MCTP2: variants seen among roughly 807,000 people sequenced by gnomAD.
MCTP2 encodes the protein multiple C2 and transmembrane domain-containing protein 2.
Under a neutral mutation model 111.6 loss-of-function variants are expected in MCTP2, and 132 were observed. That is an observed-to-expected ratio of 1.18 (90% CI 1.03 to 1.37). The LOEUF is 1.37. MCTP2 is among the 40% of genes most tolerant of loss of function. The pLI is 0.00. For synonymous variants in MCTP2, 395 were observed against 387.7 expected, an observed-to-expected ratio of 1.02 and a Z score of -0.22; for missense variants, 1,183 against 1,067.9, an observed-to-expected ratio of 1.11 and a Z score of -1.50.
At chr15:94,303,062 A>ATATATATATATATATATAGTT (rs1555448626) in intron 2 of MCTP2, among the ~76,000 whole-genome samples, 2 of 21,452 alleles carry the variant, frequency 9.3e-5, no homozygotes, top group Non-Finnish European at 3.2e-4. Flanking sequence ...AACTAATGGA[A>ATATATATATATATATATAGTT]TATATATATA....
At chr15:94,357,559 G>T (rs74030818) in intron 9 of MCTP2, among the ~76,000 whole-genome samples, 14,841 of 110,668 alleles carry the variant, frequency 0.13, 1,093 homozygotes, top group African/African-American at 0.28. Flanking sequence ...TTTTTTTTTT[G>T]TTTTTGTTTT....
chr15:94,362,173 G>A (rs577111194), intron 10 of MCTP2, among the ~76,000 whole-genome samples: 4 of 152,226 alleles, frequency 2.6e-5, no homozygotes, highest in South Asian at 4.2e-4. Context: ...TCTGATCTTA[G>A]ATAGAAACAG....
Position 94,345,184 on chromosome 15 carries a change from C to A in MCTP2, c.1005+20C>A. On this transcript the variant is annotated intron_variant, in intron 8 of 22. Coordinates refer to ENST00000357742, the MANE Select transcript of MCTP2 (RefSeq NM_001385001.1). ...AGCAAGGTAAATATACTTTTTTTTC[C>A]TTTAGATCATTTGGTTAAAAACTTT... is the stretch of plus-strand genomic sequence containing the variant. 6.2e-7 allele frequency: 1 copy of A among 1,605,534 alleles called. No homozygotes were observed. Among genetic ancestry groups the A allele is most frequent in the South Asian group, 1.1e-5 (1 of 90,088 alleles).
chr15:94,463,625 A>AACCAC (rs2085346065), intron 20 of MCTP2, among the ~76,000 whole-genome samples: 2 of 152,148 alleles, frequency 1.3e-5, no homozygotes, highest in African/African-American at 4.8e-5. Context: ...GTGGTTTAGA[A>AACCAC]TTGGTATTTT....
intron 19 of MCTP2, among the ~76,000 whole-genome samples, chr15:94,455,580 C>A (rs1051050144): frequency 1.3e-4 from 20 of 152,144 alleles, no homozygotes; most frequent in Non-Finnish European, 2.5e-4. Flanking sequence ...CACGCGCCAC[C>A]ATGCCCAGCT....
At chr15:94,454,231 A>G (rs1410669652) in intron 19 of MCTP2, among the ~76,000 whole-genome samples, 1 of 152,242 alleles carries the variant, frequency 6.6e-6, no homozygotes, top group Admixed American at 6.5e-5. Context: ...TAACTTTATA[A>G]TGATAATATG....
intron 1 of MCTP2, among the ~76,000 whole-genome samples, chr15:94,295,329 G>C (rs1024043969): frequency 2.0e-5 from 3 of 151,984 alleles, no homozygotes; most frequent in Non-Finnish European, 4.4e-5. Flanking sequence ...AAATTCTATA[G>C]AGCCAGGAAT....
intron 22 of MCTP2, 33 bp downstream of exon 22, chr15:94,476,826 C>T: frequency 7.8e-7 from 1 of 1,280,634 alleles, no homozygotes; most frequent in Non-Finnish European, 1.1e-6. Flanking sequence ...CAACAGTGGC[C>T]CCAACCTGAA....
At chr15:94,259,140 C>T (rs753996640) in intron 1 of MCTP2, among the ~76,000 whole-genome samples, 6 of 152,194 alleles carry the variant, frequency 3.9e-5, no homozygotes, top group African/African-American at 7.2e-5. Flanking sequence ...CCCTTCACCC[C>T]ACCCAGCCTA....
At chr15:94,379,765 TATG>T (rs1453229128) in intron 12 of MCTP2, among the ~76,000 whole-genome samples, 3 of 146,984 alleles carry the variant, frequency 2.0e-5, no homozygotes, top group African/African-American at 5.0e-5. Context: ...ATATATAATA[TATG>T]ATATGTAATA....
intron 1 of MCTP2, among the ~76,000 whole-genome samples, chr15:94,261,506 A>G (rs1177914398): frequency 6.6e-6 from 1 of 152,158 alleles, no homozygotes; most frequent in African/African-American, 2.4e-5. Context: ...CCTTTTAGTA[A>G]TTCTTGCAGG....
chr15:94,233,126 A>G (rs1424047887), intron 1 of MCTP2, among the ~76,000 whole-genome samples: 1 of 152,130 alleles, frequency 6.6e-6, no homozygotes, highest in Non-Finnish European at 1.5e-5. Context: ...ATTCAAATTT[A>G]TATTCATAGA....
At chr15:94,364,209 C>A (rs2079074527) in intron 10 of MCTP2, among the ~76,000 whole-genome samples, 1 of 151,940 alleles carries the variant, frequency 6.6e-6, no homozygotes, top group African/African-American at 2.4e-5. Flanking sequence ...AAAAAACCTT[C>A]ATTTGTTTAC....
intron 1 of MCTP2, among the ~76,000 whole-genome samples, chr15:94,257,566 G>GTTTTTTTTTTTTTTTTTTTTTTTT (rs1220635423): frequency 5.5e-5 from 4 of 73,004 alleles, no homozygotes; most frequent in Non-Finnish European, 8.0e-5. Flanking sequence ...CATTTTCTTT[G>GTTTTTTTTTTTTTTTTTTTTTTTT]TTGTTTTTTT....
chr15:94,333,591 A>G (rs779902954), intron 4 of MCTP2, among the ~76,000 whole-genome samples: 1 of 152,210 alleles, frequency 6.6e-6, no homozygotes, highest in African/African-American at 2.4e-5. Flanking sequence ...ATGTTCTTCA[A>G]TAGCACTCTC....
At chr15:94,443,981 C>CAAA (rs58768404) in intron 19 of MCTP2, among the ~76,000 whole-genome samples, 15,939 of 69,090 alleles carry the variant, frequency 0.23, 3,202 homozygotes, top group South Asian at 0.26. Context: ...GATATTTTAC[C>CAAA]AAAAAAAAAA....
At chr15:94,322,721 C>T (rs1022306828) in intron 4 of MCTP2, among the ~76,000 whole-genome samples, 7 of 152,128 alleles carry the variant, frequency 4.6e-5, no homozygotes, top group Non-Finnish European at 7.3e-5. Context: ...ATGCTTTCAG[C>T]GGAAGCATCT....
intron 4 of MCTP2, among the ~76,000 whole-genome samples, chr15:94,318,524 T>G (rs190240087): frequency 6.6e-6 from 1 of 152,066 alleles, no homozygotes; most frequent in Non-Finnish European, 1.5e-5. Flanking sequence ...CTGCCCACCT[T>G]GGCCTCCCAA....
intron 1 of MCTP2, among the ~76,000 whole-genome samples, chr15:94,268,151 C>T (rs1399183821): frequency 1.3e-5 from 2 of 150,550 alleles, no homozygotes; most frequent in African/African-American, 4.9e-5. Context: ...CAGGTATGAG[C>T]CACCACGCCC....
Sources: gnomAD v4.1 joint callset for allele counts (sites outside exome capture counted in the v4.1 genomes callset) on GRCh38, gnomAD v4.1.1 for gene constraint, MANE v1.5 for transcripts, NCBI Gene and HGNC (gene_info 2026-07-23, HGNC 2026-07-21) for gene names.